Variants in ADAMTSL1 observed in about 807,000 individuals in gnomAD.
The protein encoded by ADAMTSL1 is ADAMTS-like protein 1.
ADAMTSL1 carries 126 observed loss-of-function variants against 201.8 expected under a neutral mutation model. That is an observed-to-expected ratio of 0.62 (90% CI 0.54 to 0.72). The LOEUF is 0.72. Ranked by LOEUF, ADAMTSL1 falls within the 30% of genes least tolerant of loss-of-function variation. ADAMTSL1 has a pLI of 0.00. For missense variants in ADAMTSL1, 2,679 were observed against 2,277.8 expected (o/e 1.18, Z -3.59); for synonymous variants, 1,121 against 903.4 (o/e 1.24, Z -4.32).
At chr9:18,598,198 C>T (rs891128218) in intron 4 of ADAMTSL1, among the ~76,000 whole-genome samples, 2 of 152,068 alleles carry the variant, frequency 1.3e-5, no homozygotes, top group African/African-American at 2.4e-5. Flanking sequence ...TGAAAGGGAC[C>T]GTGGAGAAAT....
chr9:18,364,931 C>G (rs1836701886), intron 2 of ADAMTSL1, among the ~76,000 whole-genome samples: 1 of 152,084 alleles, frequency 6.6e-6, no homozygotes, highest in South Asian at 2.1e-4. Flanking sequence ...TTCATCAGAA[C>G]TCCGCCCCCA....
Position 18,389,278 on chromosome 9 carries a change from T to C in ADAMTSL1, c.208-115551T>C, listed in dbSNP as rs563071150. ...GTCAAGAATATATATATTGGCCATG[T>C]CAATAAATTATTTCAAGAACTACTT... is the stretch of plus-strand genomic sequence containing the variant. On this transcript the variant is annotated intron_variant, in intron 2 of 29. Coordinates refer to the ADAMTSL1 transcript ENST00000680146. 1.2e-3 allele frequency among the ~76,000 whole-genome samples: 183 copies of C among 152,232 alleles called. 2 individuals carry two copies. The highest frequency in any genetic ancestry group is 3.4e-3 in the Middle Eastern group (1 of 294).
At chr9:18,847,592 A>G (rs1403182161) in intron 23 of ADAMTSL1, among the ~76,000 whole-genome samples, 1 of 152,248 alleles carries the variant, frequency 6.6e-6, no homozygotes, top group Non-Finnish European at 1.5e-5. Context: ...GAGAGGGCTC[A>G]CTGAGAAAGC....
chr9:18,896,181 C>CTT (rs962400096), intron 26 of ADAMTSL1, among the ~76,000 whole-genome samples: 1 of 152,134 alleles, frequency 6.6e-6, no homozygotes, highest in African/African-American at 2.4e-5. Flanking sequence ...TGGCCAAAAA[C>CTT]TTTCCAAATT....
intron 1 of ADAMTSL1, among the ~76,000 whole-genome samples, chr9:18,056,937 A>G (rs1822217267): frequency 6.6e-6 from 1 of 152,030 alleles, no homozygotes; most frequent in African/African-American, 2.4e-5. Flanking sequence ...CCTTGTCAGG[A>G]CGGCAAATGC....
chr9:18,569,182 C>T (rs1349858299), intron 3 of ADAMTSL1, among the ~76,000 whole-genome samples: 1 of 152,162 alleles, frequency 6.6e-6, no homozygotes, highest in Non-Finnish European at 1.5e-5. Context: ...TGGGATCCAT[C>T]TTATCTTTCC....
At position 18,490,619 on chromosome 9, in the gene ADAMTSL1, G is replaced by A. The variant is rs1037910291; in HGVS notation, c.64-14210G>A. ...GTGAGGAAAGTGGATAAGATCAATC[G>A]GAGCACAGAGAGAACAGGGGCCTGA... On this transcript the variant is annotated intron_variant, in intron 1 of 28. Transcript: ENST00000380548. Among the ~76,000 whole-genome samples the A allele has an allele frequency of 5.3e-5, 8 of 152,092 alleles. No homozygotes were observed. The East Asian group carries it at 5.8e-4, about 11-fold the overall frequency.
intron 1 of ADAMTSL1, among the ~76,000 whole-genome samples, chr9:18,115,843 G>T (rs1825227457): frequency 6.6e-6 from 1 of 152,150 alleles, no homozygotes; most frequent in Admixed American, 6.5e-5. Context: ...TGGCTACAAA[G>T]TTTATGCTTT....
chr9:18,310,345 TTAAAC>T (rs1293227599), intron 2 of ADAMTSL1, among the ~76,000 whole-genome samples: 2 of 76,908 alleles, frequency 2.6e-5, no homozygotes, highest in Admixed American at 3.6e-4. Context: ...TCGGATCTAA[TTAAAC>T]TAAAGAGCTT....
chr9:18,408,835 A>T (rs1319084644), intron 2 of ADAMTSL1, among the ~76,000 whole-genome samples: 20 of 152,214 alleles, frequency 1.3e-4, no homozygotes, highest in Non-Finnish European at 1.0e-4. Flanking sequence ...AGTTGGAAGA[A>T]ATATGTTCTG....
At chr9:18,008,414 C>T (rs1044750705) in intron 1 of ADAMTSL1, among the ~76,000 whole-genome samples, 4 of 151,958 alleles carry the variant, frequency 2.6e-5, no homozygotes, top group Non-Finnish European at 5.9e-5. Context: ...TTTACCAAGG[C>T]TTTGAGGCCC....
chr9:18,113,593 G>A (rs1193273723), intron 1 of ADAMTSL1, among the ~76,000 whole-genome samples: 1 of 152,090 alleles, frequency 6.6e-6, no homozygotes, highest in Non-Finnish European at 1.5e-5. Context: ...TTGAGGGTAT[G>A]TAGTATCTAG....
intron 5 of ADAMTSL1, among the ~76,000 whole-genome samples, chr9:18,631,031 CTA>C (rs1826733360): frequency 6.6e-6 from 1 of 152,136 alleles, no homozygotes; most frequent in African/African-American, 2.4e-5. Context: ...GCAACGGTAT[CTA>C]TGTCAGGATT....
At chr9:18,632,608 G>A (rs1826849331) in intron 5 of ADAMTSL1, among the ~76,000 whole-genome samples, 4 of 152,070 alleles carry the variant, frequency 2.6e-5, no homozygotes, top group Admixed American at 2.6e-4. Context: ...TGGGGCTAGT[G>A]CTTTGTTTAT....
At chr9:18,559,833 G>A (rs1564047786) in intron 3 of ADAMTSL1, among the ~76,000 whole-genome samples, 2 of 152,184 alleles carry the variant, frequency 1.3e-5, no homozygotes, top group African/African-American at 4.8e-5. Flanking sequence ...ATAAAGGAAT[G>A]CTTGTGATTT....
chr9:18,253,573 A>G (rs966797180), intron 2 of ADAMTSL1, among the ~76,000 whole-genome samples: 3 of 152,172 alleles, frequency 2.0e-5, no homozygotes, highest in Admixed American at 2.0e-4. Flanking sequence ...GCTTACAAAA[A>G]ATTGTAAGTG....
intron 2 of ADAMTSL1, among the ~76,000 whole-genome samples, chr9:18,426,695 A>C (rs1271875246): frequency 6.6e-6 from 1 of 152,018 alleles, no homozygotes; most frequent in Non-Finnish European, 1.5e-5. Context: ...TTGCACCATT[A>C]ACCAAGAAGC....
At position 18,777,620 on chromosome 9, in the gene ADAMTSL1, A is replaced by G. The variant is rs2133759708; in HGVS notation, c.3391A>G (p.Thr1131Ala). ...CTCGGAGCGCAGGACTTCCCCAGTG[A>G]CTCTCTCGCCTCATAAACACGTGTC... ...KPSERRTSPV[T>A]LSPHKHVSGF... The change falls in exon 19 of 29, where the codon ACT becomes GCT. Residue 1131 changes from threonine to alanine, a missense_variant. By Grantham distance (58) the Thr-to-Ala change is moderately conservative. Transcript: ENST00000380548. 2 of 1,613,332 alleles carry G rather than the reference A, an allele frequency of 1.2e-6. No individual in the cohort carries two copies. The highest frequency in any genetic ancestry group is 1.7e-6 in the Non-Finnish European group (2 of 1,179,732).
intron 23 of ADAMTSL1, among the ~76,000 whole-genome samples, chr9:18,845,186 A>G (rs963076278): frequency 6.6e-6 from 1 of 152,184 alleles, no homozygotes; most frequent in Non-Finnish European, 1.5e-5. Context: ...TCTTGGCTCA[A>G]GTGTCGGCAG....
Sources: gnomAD v4.1 joint callset for allele counts (sites outside exome capture counted in the v4.1 genomes callset) on GRCh38, gnomAD v4.1.1 for gene constraint, MANE v1.5 for transcripts, NCBI Gene and HGNC (gene_info 2026-07-23, HGNC 2026-07-21) for gene names.